Variants in NAA25 observed in about 807,000 individuals in gnomAD.
The protein encoded by NAA25 is N-terminal acetyltransferase B complex subunit NAA25.
A neutral mutation model predicts 132.5 loss-of-function variants in NAA25; 30 were observed. The ratio of observed to expected loss-of-function variants is 0.23; its 90% CI spans 0.17 to 0.31. NAA25 has a LOEUF of 0.31. Ranked by LOEUF, NAA25 falls within the 10% of genes least tolerant of loss-of-function variation. The pLI, the probability that NAA25 is intolerant of heterozygous loss-of-function variation, is 1.00. For synonymous variants in NAA25, 359 were observed against 401.9 expected (o/e 0.89, Z 1.28); for missense variants, 771 against 1,150.4 (o/e 0.67, Z 4.77).
At chr12:112,040,274 T>C (rs2078283845) in intron 21 of NAA25, 1 of 431,114 alleles carries the variant, frequency 2.3e-6, no homozygotes, top group Non-Finnish European at 4.1e-6. Context: ...CAAGAAGTTT[T>C]ACCTAAGTAT....
Position 112,047,717 on chromosome 12 carries a change from A to G in NAA25, c.1954T>C (p.Leu652=). 6.2e-7 allele frequency: 1 copy of G among 1,614,074 alleles called. No individual in the cohort carries two copies. The highest frequency in any genetic ancestry group is 1.6e-4 in the Middle Eastern group (1 of 6,062). The change falls in exon 17 of 24, where the codon TTG becomes CTG. Residue 652 remains leucine, a synonymous_variant. Coordinates refer to ENST00000261745, the MANE Select transcript of NAA25 (RefSeq NM_024953.4). ...PEEDDIPWED[L]RDNRDLNVFF... ...ACATTTAAGTCTCTGTTGTCTCGCA[A>G]ATCTTCCCATGGAATGTCATCTTCT...
rs140901386 is a variant in NAA25, at chr12:112,028,960, T to C, written c.*571A>G. ...TGGTCATCCAAGTGGTGCCCTTCTA[T>C]TGCGGGTGCATATGCCAGATCTCAT... On this transcript the variant is annotated 3_prime_UTR_variant, in exon 24 of 24. Transcript: ENST00000261745. The C allele has an allele frequency of 1.5e-4, 23 of 152,418 alleles. No homozygotes were observed. Among genetic ancestry groups the C allele is most frequent in the African/African-American group, 5.3e-4 (22 of 41,558 alleles). The allele number at this position is 152,418 out of a possible 1,614,324, so 9.4% of individuals were successfully genotyped here.
intron 4 of NAA25, among the ~76,000 whole-genome samples, chr12:112,082,044 A>G (rs1425237394): frequency 1.3e-5 from 2 of 152,126 alleles, no homozygotes; most frequent in Non-Finnish European, 2.9e-5. Flanking sequence ...TGAGGTCAGG[A>G]GTTCGAGACT....
intron 4 of NAA25, among the ~76,000 whole-genome samples, chr12:112,086,521 T>G (rs185406105): frequency 6.6e-6 from 1 of 151,762 alleles, no homozygotes; most frequent in East Asian, 1.9e-4. Flanking sequence ...GAAAAAAACT[T>G]CTCCTATGTT....
chr12:112,093,881 C>G (rs1481241084), intron 1 of NAA25, among the ~76,000 whole-genome samples: 2 of 151,544 alleles, frequency 1.3e-5, no homozygotes. Flanking sequence ...GACCCTGATT[C>G]AAAAAAACTT....
Position 112,026,712 on chromosome 12 carries a change from T to A in NAA25, c.*2819A>T, listed in dbSNP as rs2078090758. 1 of 152,232 alleles carries A rather than the reference T, an allele frequency of 6.6e-6. No homozygotes were observed. Among genetic ancestry groups the A allele is most frequent in the African/African-American group, 2.4e-5 (1 of 41,472 alleles). The allele number at this position is 152,232 out of a possible 1,614,324, so 9.4% of individuals were successfully genotyped here. ...AATGCCAACTTAAAATGAAAATGTT[T>A]ATATAAATTAACCCATCCAGTTTAA... On this transcript the variant is annotated 3_prime_UTR_variant, in exon 24 of 24. Transcript: ENST00000261745.
intron 14 of NAA25, among the ~76,000 whole-genome samples, 164 bp from the exon 15 acceptor site, chr12:112,053,821 TAA>T (rs4041251): frequency 4.9e-4 from 56 of 114,306 alleles, no homozygotes; most frequent in East Asian, 1.9e-3. Flanking sequence ...AGTTAAAATT[TAA>T]AAAAAAAAAA....
intron 11 of NAA25, among the ~76,000 whole-genome samples, chr12:112,066,379 T>C (rs149601114): frequency 7.2e-4 from 109 of 152,352 alleles, no homozygotes; most frequent in African/African-American, 2.4e-3. Flanking sequence ...ATCTACATTC[T>C]ACTTCAATCC....
intron 13 of NAA25, among the ~76,000 whole-genome samples, chr12:112,058,503 T>C (rs1723930743): frequency 6.6e-6 from 1 of 152,210 alleles, no homozygotes; most frequent in Non-Finnish European, 1.5e-5. Flanking sequence ...TTTTTCTTTT[T>C]AAATTTTTTA....
intron 11 of NAA25, among the ~76,000 whole-genome samples, chr12:112,062,422 T>C (rs2078646787): frequency 7.1e-6 from 1 of 140,108 alleles, no homozygotes; most frequent in African/African-American, 2.7e-5. Context: ...AAAAAAGTTA[T>C]AAAAGAAAAA....
rs775002473 is a variant in NAA25, at chr12:112,072,015, T to C, written c.916A>G (p.Ile306Val). The C allele has an allele frequency of 9.9e-6, 16 of 1,613,922 alleles. No homozygotes were observed. In the Admixed American group the frequency reaches 2.3e-4, roughly 24 times the overall value. The change falls in exon 10 of 24, where the codon ATA (isoleucine) becomes GTA (valine). Residue 306 changes from isoleucine to valine, a missense_variant. Coordinates refer to ENST00000261745, the MANE Select transcript of NAA25 (RefSeq NM_024953.4). ...HYSAEKAVKF[I>V]EDRITEESKS... Reference sequence around the variant, plus strand: ...GATTCTTCCGTTATCCGATCTTCTATAAACTTCACAGCTTTTTCTGCAGAA... The same window carrying C: ...GATTCTTCCGTTATCCGATCTTCTACAAACTTCACAGCTTTTTCTGCAGAA...
chr12:112,068,967 C>G lies in NAA25; in HGVS notation c.1062G>C (p.Gln354His), dbSNP rs2078761693. ...GTTTATCGCCAAACTTTTTAAAATA[C>G]TGGAACATTAATTCTTCTGGATCAC... ...KLGDPEELMFQYFKKFGDKPC... is the reference protein window; with the variant it reads ...KLGDPEELMFHYFKKFGDKPC... The change falls in exon 11 of 24, where the codon CAG becomes CAC. Residue 354 changes from glutamine to histidine, a missense_variant. Coordinates refer to ENST00000261745, the MANE Select transcript of NAA25 (RefSeq NM_024953.4). The G allele has an allele frequency of 2.5e-6, 4 of 1,611,344 alleles. No individual in the cohort carries two copies. Among genetic ancestry groups the G allele is most frequent in the Non-Finnish European group, 3.4e-6 (4 of 1,177,912 alleles).
intron 12 of NAA25, among the ~76,000 whole-genome samples, chr12:112,060,938 C>T (rs977901465): frequency 2.6e-5 from 4 of 151,974 alleles, no homozygotes; most frequent in African/African-American, 4.8e-5. Flanking sequence ...TATATGAGCC[C>T]CAATCTAATA....
At chr12:112,099,800 A>T (rs991159537) in intron 1 of NAA25, among the ~76,000 whole-genome samples, 10 of 152,194 alleles carry the variant, frequency 6.6e-5, no homozygotes, top group African/African-American at 2.4e-4. Flanking sequence ...CAATTTTGCA[A>T]ATAAAAAGGA....
At chr12:112,040,450 A>G in intron 21 of NAA25, 31 bp downstream of exon 21, 1 of 1,325,394 alleles carries the variant, frequency 7.5e-7, no homozygotes, top group Non-Finnish European at 1.1e-6. Flanking sequence ...TAAGAACAAC[A>G]ATGTCTTTTA....
In NAA25 at chr12:112,027,146, T is replaced by C. The variant is rs1405323526; in HGVS notation, c.*2385A>G. On this transcript the variant is annotated 3_prime_UTR_variant, in exon 24 of 24. Transcript: ENST00000261745. ...CTGTAAACAGTAGTCGTGATTTTTC[T>C]CCTTTCCTTTTTTAAATATCAGTTT... 6.6e-6 allele frequency: 1 copy of C among 152,424 alleles called. No homozygotes were observed. The highest frequency in any genetic ancestry group is 6.5e-5 in the Admixed American group (1 of 15,274). 9.4% of individuals were successfully genotyped at this position (152,424 alleles called of 1,614,324 possible). A position where few individuals can be genotyped will look rare whatever the true frequency, so the allele number is the denominator to read the frequency against.
chr12:112,038,060 C>T (rs1406003108), intron 22 of NAA25, among the ~76,000 whole-genome samples: 68 of 152,146 alleles, frequency 4.5e-4, no homozygotes, highest in Admixed American at 4.4e-3. Flanking sequence ...GTCATCCAGA[C>T]TGGAGTGCAG....
chr12:112,036,369 A>C (rs2078224040), intron 22 of NAA25, among the ~76,000 whole-genome samples: 1 of 152,206 alleles, frequency 6.6e-6, no homozygotes, highest in Non-Finnish European at 1.5e-5. Flanking sequence ...AGTGGAACTG[A>C]CGTATGAATT....
Position 112,033,384 on chromosome 12 carries a change from GA to G in NAA25, c.2650-6del. 1 of 1,590,458 alleles carries G rather than the reference GA, an allele frequency of 6.3e-7. No individual in the cohort carries two copies. Among genetic ancestry groups the G allele is most frequent in the East Asian group, 2.2e-5 (1 of 44,542 alleles). On this transcript the variant is annotated splice_polypyrimidine_tract_variant and splice_region_variant and intron_variant, in intron 22 of 23. Transcript: ENST00000261745. ...GAAACTGGTAAAGACAGGTGGCTGG[GA>G]AAAAGATTAAAAAAGAGTTGAAACA...
Sources: gnomAD v4.1 joint callset for allele counts (sites outside exome capture counted in the v4.1 genomes callset) on GRCh38, gnomAD v4.1.1 for gene constraint, MANE v1.5 for transcripts, NCBI Gene and HGNC (gene_info 2026-07-23, HGNC 2026-07-21) for gene names.